ADARB2: variants seen among roughly 807,000 people sequenced by gnomAD.
ADARB2 encodes adenosine deaminase RNA specific B2 (inactive).
Under a neutral mutation model 62.2 loss-of-function variants are expected in ADARB2, and 25 were observed. The ratio of observed to expected loss-of-function variants is 0.40; its 90% CI spans 0.29 to 0.56. The LOEUF (loss-of-function observed/expected upper bound fraction) is 0.56. ADARB2 is among the 20% of genes least tolerant of loss of function. The probability of loss-of-function intolerance (pLI) is 0.43; values close to 1 mark genes in which losing one functional copy is unlikely to be tolerated. For synonymous variants in ADARB2, 572 were observed against 500.8 expected (o/e 1.14, Z -1.90); for missense variants, 1,071 against 1,077.4 (o/e 0.99, Z 0.08).
intron 1 of ADARB2, among the ~76,000 whole-genome samples, chr10:1,455,470 A>C (rs1533481): frequency 3.3e-5 from 5 of 151,954 alleles, no homozygotes; most frequent in African/African-American, 1.2e-4. Flanking sequence ...AATAAAAAAA[A>C]AGAGAAAACA....
At chr10:1,598,186 G>A (rs1321281896) in intron 1 of ADARB2, among the ~76,000 whole-genome samples, 1 of 152,080 alleles carries the variant, frequency 6.6e-6, no homozygotes, top group African/African-American at 2.4e-5. Flanking sequence ...TACAATTCCG[G>A]TGGTGGGTGC....
chr10:1,510,117 T>TC (rs1564312515), intron 1 of ADARB2, among the ~76,000 whole-genome samples: 75 of 93,880 alleles, frequency 8.0e-4, no homozygotes, highest in South Asian at 1.7e-3. Flanking sequence ...TCTCTCTTTC[T>TC]TTCTTTCTTT....
chr10:1,729,633 C>T (rs1332508384), intron 1 of ADARB2, among the ~76,000 whole-genome samples: 2 of 152,070 alleles, frequency 1.3e-5, no homozygotes, highest in African/African-American at 2.4e-5. Context: ...ACTAATAAAA[C>T]CTGCTTTTTG....
At chr10:1,400,609 C>T (rs1468012663) in intron 1 of ADARB2, among the ~76,000 whole-genome samples, 2 of 152,146 alleles carry the variant, frequency 1.3e-5, no homozygotes, top group African/African-American at 4.8e-5. Flanking sequence ...CTGAAGACAC[C>T]ATGCAGTAAA....
At chr10:1,552,439 G>A (rs1832639096) in intron 1 of ADARB2, among the ~76,000 whole-genome samples, 1 of 152,232 alleles carries the variant, frequency 6.6e-6, no homozygotes, top group Admixed American at 6.5e-5. Context: ...CACCCCAGGG[G>A]GCCGGAGGGA....
intron 3 of ADARB2, among the ~76,000 whole-genome samples, chr10:1,326,416 G>C (rs958499849): frequency 2.6e-5 from 4 of 152,218 alleles, no homozygotes; most frequent in Non-Finnish European, 5.9e-5. Context: ...AAACTGAGAA[G>C]GGTGATCTGG....
rs777007415 is a variant in ADARB2, at chr10:1,426,705, A to G, written c.101-47545T>C. On this transcript the variant is annotated intron_variant, in intron 1 of 9. Coordinates refer to ENST00000381312, the MANE Select transcript of ADARB2 (RefSeq NM_018702.4). The surrounding 1 kb of genome is among the most constrained non-coding windows in gnomAD (Gnocchi z 4.1). ...AGTGAACCTGCTTGCCACCCTGGGC[A>G]AGAGAGCCCAGGGGCTGGCCCAGGA... Among the ~76,000 whole-genome samples, 1 of 152,212 alleles carries G rather than the reference A, an allele frequency of 6.6e-6. No individual in the cohort carries two copies. Among genetic ancestry groups the G allele is most frequent in the African/African-American group, 2.4e-5 (1 of 41,466 alleles).
intron 1 of ADARB2, among the ~76,000 whole-genome samples, chr10:1,652,014 C>G (rs1448897379): frequency 1.3e-5 from 2 of 152,222 alleles, no homozygotes; most frequent in Non-Finnish European, 2.9e-5. Context: ...CTCCATCAAC[C>G]CTGCTGAGAT....
chr10:1,369,930 G>T (rs1308935038), intron 2 of ADARB2, among the ~76,000 whole-genome samples: 1 of 152,228 alleles, frequency 6.6e-6, no homozygotes, highest in Non-Finnish European at 1.5e-5. Context: ...GATTCCAGTG[G>T]CTGGGTGCTG....
chr10:1,262,052 A>G (rs1211546841), intron 4 of ADARB2, among the ~76,000 whole-genome samples: 2 of 146,170 alleles, frequency 1.4e-5, no homozygotes, highest in East Asian at 4.0e-4. Flanking sequence ...ACAAACAACC[A>G]AACACCGCAT....
In ADARB2 at chr10:1,737,107, C is replaced by T. The variant is rs770999496; in HGVS notation, c.44G>A (p.Ser15Asn). The change falls in exon 1 of 10, where the codon AGC (serine) becomes AAC (asparagine). Residue 15 changes from serine (S) to asparagine (N), a missense_variant. Physicochemically the swap from Ser to Asn is conservative, Grantham distance 46 (BLOSUM62 1). Coordinates refer to ENST00000381312, the MANE Select transcript of ADARB2 (RefSeq NM_018702.4). ...LGSGRGSGGLSSQLKCKSKRR... is the reference protein window; with the variant it reads ...LGSGRGSGGLNSQLKCKSKRR... ...CTTGGACTTGCATTTGAGTTGACTG[C>T]TCAGCCCTCCAGACCCTCTGCCGCT... 1.2e-6 allele frequency: 2 copies of T among 1,611,158 alleles called. No homozygotes were observed. The highest frequency in any genetic ancestry group is 2.2e-5 in the East Asian group (1 of 44,882).
chr10:1,621,270 T>C (rs1166807117), intron 1 of ADARB2, among the ~76,000 whole-genome samples: 1 of 152,230 alleles, frequency 6.6e-6, no homozygotes, highest in Non-Finnish European at 1.5e-5. Flanking sequence ...TTTAGCAAGA[T>C]TGCAGGACAT....
intron 1 of ADARB2, among the ~76,000 whole-genome samples, chr10:1,585,926 T>C (rs920447036): frequency 3.3e-5 from 5 of 152,044 alleles, no homozygotes; most frequent in South Asian, 2.1e-4. Flanking sequence ...CCCAGCTACT[T>C]GGGAGGCTGA....
chr10:1,206,247 C>T (rs181716846), intron 7 of ADARB2, among the ~76,000 whole-genome samples: 7 of 152,196 alleles, frequency 4.6e-5, no homozygotes, highest in African/African-American at 1.7e-4. Flanking sequence ...CTCTCCATTC[C>T]CGGGTCCTAA....
At chr10:1,417,505 A>C (rs766542606) in intron 1 of ADARB2, among the ~76,000 whole-genome samples, 1 of 152,234 alleles carries the variant, frequency 6.6e-6, no homozygotes, top group Non-Finnish European at 1.5e-5. Context: ...GATGGATTTT[A>C]TTATCATTCC....
intron 1 of ADARB2, among the ~76,000 whole-genome samples, chr10:1,559,911 C>G (rs1285466527): frequency 6.6e-6 from 1 of 152,212 alleles, no homozygotes; most frequent in Non-Finnish European, 1.5e-5. Flanking sequence ...TGTCCTCACC[C>G]TCGGGGGAGC....
chr10:1,314,619 G>A (rs1013421682), intron 3 of ADARB2, among the ~76,000 whole-genome samples: 1 of 152,202 alleles, frequency 6.6e-6, no homozygotes, highest in Non-Finnish European at 1.5e-5. Context: ...TTAGGGTTTC[G>A]CAGGAGGGTC....
chr10:1,476,698 G>A (rs1234068133), intron 1 of ADARB2, among the ~76,000 whole-genome samples: 4 of 152,160 alleles, frequency 2.6e-5, no homozygotes, highest in Non-Finnish European at 5.9e-5. Flanking sequence ...TCGGCCTCAC[G>A]AACTCTGATT....
At chr10:1,602,704 C>T (rs939618787) in intron 1 of ADARB2, among the ~76,000 whole-genome samples, 1 of 74,350 alleles carries the variant, frequency 1.3e-5, no homozygotes, top group Non-Finnish European at 3.1e-5. Context: ...ATACACACAT[C>T]CACACACATA....
Sources: gnomAD v4.1 joint callset for allele counts (sites outside exome capture counted in the v4.1 genomes callset) on GRCh38, gnomAD v4.1.1 for gene constraint, Gnocchi (gnomAD v3.1) non-coding constraint, MANE v1.5 for transcripts, NCBI Gene and HGNC (gene_info 2026-07-23, HGNC 2026-07-21) for gene names.